AGBL4: variants seen among roughly 807,000 people sequenced by gnomAD.
AGBL4 encodes the protein cytosolic carboxypeptidase 6.
Under a neutral mutation model 66.4 loss-of-function variants are expected in AGBL4, and 58 were observed. That is an observed-to-expected ratio of 0.87 (90% CI 0.71 to 1.09). The LOEUF is 1.09. Among genes scored for constraint, AGBL4 ranks in the 50% least tolerant of loss-of-function variants. AGBL4 has a pLI of 0.00. For synonymous variants in AGBL4, 234 were observed against 222.9 expected (o/e 1.05, Z -0.44); for missense variants, 579 against 631.0 (o/e 0.92, Z 0.88).
chr1:49,102,436 C>T (rs558898687), intron 4 of AGBL4, among the ~76,000 whole-genome samples: 1 of 152,212 alleles, frequency 6.6e-6, no homozygotes, highest in African/African-American at 2.4e-5. Context: ...TCAAGCTTCC[C>T]AGCACGTGGG....
intron 5 of AGBL4, among the ~76,000 whole-genome samples, chr1:48,997,878 G>A (rs1315992182): frequency 1.3e-5 from 2 of 152,102 alleles, no homozygotes; most frequent in Non-Finnish European, 2.9e-5. Context: ...ACTAATATTG[G>A]TCACCATCAA....
intron 3 of AGBL4, among the ~76,000 whole-genome samples, chr1:49,412,406 A>G (rs1231422376): frequency 6.6e-6 from 1 of 152,134 alleles, no homozygotes; most frequent in Non-Finnish European, 1.5e-5. Flanking sequence ...CTCCAGCCTC[A>G]TGACTTAATC....
Position 49,677,436 on chromosome 1 carries a change from C to A in AGBL4, c.282+19877G>T, listed in dbSNP as rs546277559. Among the ~76,000 whole-genome samples, 4 of 152,110 alleles carry A rather than the reference C, an allele frequency of 2.6e-5. No individual in the cohort carries two copies. In the South Asian group the frequency reaches 8.3e-4, roughly 32 times the overall value. ...TGAATACTGAACCAGCTTTGTACCA[C>A]TGGAAAAAACCCCACTTAGTCTTGG... On this transcript the variant is annotated intron_variant, in intron 3 of 13. Coordinates refer to ENST00000371839, the MANE Select transcript of AGBL4 (RefSeq NM_032785.4).
At chr1:49,384,287 G>A (rs959882135) in intron 3 of AGBL4, among the ~76,000 whole-genome samples, 7 of 151,910 alleles carry the variant, frequency 4.6e-5, no homozygotes, top group African/African-American at 1.7e-4. Flanking sequence ...AGAGACAATT[G>A]TGAAAAGAAG....
At chr1:49,306,624 C>A (rs1644852879) in intron 3 of AGBL4, among the ~76,000 whole-genome samples, 2 of 152,126 alleles carry the variant, frequency 1.3e-5, no homozygotes, top group Non-Finnish European at 2.9e-5. Context: ...ATTGGCTCAG[C>A]TTGGGTCAGG....
At chr1:49,302,420 T>A (rs1644762479) in intron 3 of AGBL4, among the ~76,000 whole-genome samples, 1 of 151,496 alleles carries the variant, frequency 6.6e-6, no homozygotes. Flanking sequence ...ACCCAGCTAA[T>A]TTTTTTGTAT....
chr1:49,184,914 C>T (rs1252081976), intron 4 of AGBL4, among the ~76,000 whole-genome samples: 1 of 152,122 alleles, frequency 6.6e-6, no homozygotes, highest in African/African-American at 2.4e-5. Flanking sequence ...GTGTTGGAGG[C>T]AAAGTACTTA....
intron 3 of AGBL4, among the ~76,000 whole-genome samples, chr1:49,583,050 G>A (rs1483117925): frequency 1.3e-5 from 2 of 152,172 alleles, no homozygotes; most frequent in Admixed American, 1.3e-4. Context: ...TGATACACGT[G>A]TTAGGAGTAT....
chr1:48,864,870 G>T (rs6659114), intron 6 of AGBL4, among the ~76,000 whole-genome samples: 135,223 of 152,052 alleles, frequency 0.89, 60,722 homozygotes, highest in Non-Finnish European at 0.96. Flanking sequence ...TAAGACACAT[G>T]TTGATATGAC....
intron 1 of AGBL4, among the ~76,000 whole-genome samples, chr1:49,959,011 A>G (rs1656891117): frequency 6.6e-6 from 1 of 151,364 alleles, no homozygotes; most frequent in African/African-American, 2.4e-5. Flanking sequence ...AAAGCAGCCC[A>G]AGATAAAAAA....
At chr1:49,412,239 AG>A (rs1476873002) in intron 3 of AGBL4, among the ~76,000 whole-genome samples, 1 of 152,164 alleles carries the variant, frequency 6.6e-6, no homozygotes, top group Non-Finnish European at 1.5e-5. Context: ...TTGAGATCAG[AG>A]TGCCAGCAAG....
chr1:48,708,600 ATCT>A (rs1281093557), intron 6 of AGBL4, among the ~76,000 whole-genome samples: 1 of 152,200 alleles, frequency 6.6e-6, no homozygotes, highest in Non-Finnish European at 1.5e-5. Flanking sequence ...ACCTACTGAA[ATCT>A]TCTAGGCAGG....
At chr1:49,548,636 A>T (rs1652700716) in intron 3 of AGBL4, among the ~76,000 whole-genome samples, 1 of 152,214 alleles carries the variant, frequency 6.6e-6, no homozygotes, top group Non-Finnish European at 1.5e-5. Context: ...CCACTTGATC[A>T]TGGTGGATTA....
intron 3 of AGBL4, among the ~76,000 whole-genome samples, chr1:49,418,853 G>A (rs1297966951): frequency 6.6e-6 from 1 of 152,202 alleles, no homozygotes; most frequent in Non-Finnish European, 1.5e-5. Flanking sequence ...CAAGTATAAT[G>A]GGAAGGCATT....
At chr1:49,138,211 G>C (rs532427310) in intron 4 of AGBL4, among the ~76,000 whole-genome samples, 1 of 152,182 alleles carries the variant, frequency 6.6e-6, no homozygotes, top group South Asian at 2.1e-4. Context: ...TGCCAGGTGA[G>C]TAAACAACGT....
intron 6 of AGBL4, among the ~76,000 whole-genome samples, chr1:48,672,803 G>A (rs1311649168): frequency 6.6e-6 from 1 of 152,188 alleles, no homozygotes; most frequent in Non-Finnish European, 1.5e-5. Flanking sequence ...GAGTGGAGGA[G>A]GTTGTTACGT....
At chr1:48,523,901 G>A in the AGBL4 span, among the ~76,000 whole-genome samples, 1 of 152,190 alleles carries the variant, frequency 6.6e-6, no homozygotes, top group Non-Finnish European at 1.5e-5. Context: ...AACCCGTCAA[G>A]TATGTTATTC....
intron 3 of AGBL4, among the ~76,000 whole-genome samples, chr1:49,612,920 ACACATGCACCTTTATGGGCATTTGC>A (rs1645180498): frequency 6.6e-6 from 1 of 152,200 alleles, no homozygotes; most frequent in Admixed American, 6.5e-5. Flanking sequence ...TACCAAAAAT[ACACATGCACCTTTATGGGCATTTGC>A]AACACTATTC....
At chr1:48,846,389 G>T (rs61211776) in intron 6 of AGBL4, among the ~76,000 whole-genome samples, 37 of 142,084 alleles carry the variant, frequency 2.6e-4, no homozygotes, top group African/African-American at 9.8e-4. Flanking sequence ...AAGAAAGAAA[G>T]AAAGAAAGAA....
Sources: gnomAD v4.1 joint callset for allele counts (sites outside exome capture counted in the v4.1 genomes callset) on GRCh38, gnomAD v4.1.1 for gene constraint, MANE v1.5 for transcripts, NCBI Gene and HGNC (gene_info 2026-07-23, HGNC 2026-07-21) for gene names.